STIMATE: variants seen among roughly 807,000 people sequenced by gnomAD.
STIMATE encodes the protein STIM activating enhancer, also known as store-operated calcium entry regulator STIMATE.
A neutral mutation model predicts 36.7 loss-of-function variants in STIMATE; 15 were observed. That is an observed-to-expected ratio of 0.41 (90% CI 0.27 to 0.63). The LOEUF (loss-of-function observed/expected upper bound fraction) is 0.63. Ranked by LOEUF, STIMATE falls within the 20% of genes least tolerant of loss-of-function variation. The pLI, the probability that STIMATE is intolerant of heterozygous loss-of-function variation, is 0.32. For missense variants in STIMATE, 305 were observed against 397.3 expected (o/e 0.77, Z 1.98); for synonymous variants, 163 against 162.3 (o/e 1.00, Z -0.03).
Position 52,897,520 on chromosome 3 carries a change from G to A in STIMATE, c.-70C>T. 6.7e-6 allele frequency: 8 copies of A among 1,186,160 alleles called. No individual in the cohort carries two copies. Among genetic ancestry groups the A allele is most frequent in the Non-Finnish European group, 8.3e-6 (8 of 959,504 alleles). 73.5% of individuals were successfully genotyped at this position (1,186,160 alleles called of 1,614,324 possible). A position where few individuals can be genotyped will look rare whatever the true frequency, so the allele number is the denominator to read the frequency against. On this transcript the variant is annotated 5_prime_UTR_variant, in exon 1 of 8. Coordinates refer to ENST00000355083, the MANE Select transcript of STIMATE (RefSeq NM_198563.5). ...CCTCGCTGCCTGCCGGCGCAGCGCC[G>A]CCAAACCCGCAGCCGGGATCCCAAG...
At chr3:52,851,085 G>A (rs1578805770) in intron 3 of STIMATE, among the ~76,000 whole-genome samples, 1 of 152,366 alleles carries the variant, frequency 6.6e-6, no homozygotes, top group Non-Finnish European at 1.5e-5. Context: ...AACTGGGGGA[G>A]TGAGAGGAGG....
At position 52,837,100 on chromosome 3, in the gene STIMATE, A is replaced by T. The variant is rs1700716658; in HGVS notation, c.*3394T>A. ...AGAGAGCTCTGCACTCTTAGCTGCA[A>T]GCGTGTGAAACTTCTAAAAGCCAGC... On this transcript the variant is annotated 3_prime_UTR_variant, in exon 8 of 8. Transcript: ENST00000355083. 1 of 153,594 alleles carries T rather than the reference A, an allele frequency of 6.5e-6. No homozygotes were observed. Among genetic ancestry groups the T allele is most frequent in the South Asian group, 2.0e-4 (1 of 4,890 alleles). The allele number at this position is 153,594 out of a possible 1,614,324, so 9.5% of individuals were successfully genotyped here. A position where few individuals can be genotyped will look rare whatever the true frequency, so the allele number is the denominator to read the frequency against.
intron 1 of STIMATE, among the ~76,000 whole-genome samples, chr3:52,889,208 C>T (rs957441771): frequency 1.3e-5 from 2 of 152,186 alleles, no homozygotes; most frequent in African/African-American, 4.8e-5. Flanking sequence ...GTAGTAGGTA[C>T]AGAATTTTTA....
At chr3:52,890,030 C>T (rs1701756592) in intron 1 of STIMATE, among the ~76,000 whole-genome samples, 1 of 152,172 alleles carries the variant, frequency 6.6e-6, no homozygotes, top group Non-Finnish European at 1.5e-5. Flanking sequence ...GCTCTTACCA[C>T]CCCCTCCATG....
At chr3:52,885,532 T>C (rs1012440105) in intron 1 of STIMATE, among the ~76,000 whole-genome samples, 1 of 152,226 alleles carries the variant, frequency 6.6e-6, no homozygotes, top group African/African-American at 2.4e-5. Context: ...AACTCAAATG[T>C]CTCTCCGTCC....
intron 1 of STIMATE, among the ~76,000 whole-genome samples, chr3:52,882,515 A>C (rs962742513): frequency 3.3e-5 from 5 of 152,114 alleles, no homozygotes; most frequent in African/African-American, 1.2e-4. Flanking sequence ...GGGGAACTTG[A>C]AGCTGCTGCT....
intron 1 of STIMATE, among the ~76,000 whole-genome samples, chr3:52,875,621 C>T (rs894930631): frequency 1.3e-5 from 2 of 152,214 alleles, no homozygotes; most frequent in Non-Finnish European, 2.9e-5. Context: ...GTTGTTTTCA[C>T]TCTTTGAATC....
chr3:52,845,836 G>A (rs971962923), intron 4 of STIMATE, among the ~76,000 whole-genome samples: 5 of 151,912 alleles, frequency 3.3e-5, no homozygotes, highest in African/African-American at 1.2e-4. Flanking sequence ...GGGGAGAGTG[G>A]GATGTGGGAA....
chr3:52,887,811 A>G (rs373097128), intron 1 of STIMATE, among the ~76,000 whole-genome samples: 62 of 152,106 alleles, frequency 4.1e-4, no homozygotes, highest in Non-Finnish European at 7.6e-4. Context: ...CAACATTCCA[A>G]CCCAGCTCAT....
intron 7 of STIMATE, chr3:52,841,630 C>G (rs1341811965): frequency 1.3e-5 from 2 of 152,548 alleles, no homozygotes; most frequent in African/African-American, 4.8e-5. Context: ...GCACTGTTCC[C>G]TTGCGGGGCT....
At position 52,853,533 on chromosome 3, in the gene STIMATE, G is replaced by T. The variant is rs550416207; in HGVS notation, c.210-835C>A. The stretch of plus-strand genomic sequence containing the variant: ...CCCAGCTGGGCAGGGTCTCAGGACT[G>T]CAGAGATTATCCAGACCAACCCAGC... On this transcript the variant is annotated intron_variant, in intron 2 of 7. Coordinates refer to ENST00000355083, the MANE Select transcript of STIMATE (RefSeq NM_198563.5). 4.6e-3 allele frequency among the ~76,000 whole-genome samples: 695 copies of T among 152,272 alleles called. 3 individuals carry two copies. Among genetic ancestry groups the T allele is most frequent in the Non-Finnish European group, 7.5e-3 (511 of 68,028 alleles).
chr3:52,895,106 C>T (rs916683581), intron 1 of STIMATE, among the ~76,000 whole-genome samples: 4 of 152,234 alleles, frequency 2.6e-5, no homozygotes, highest in East Asian at 1.9e-4. Flanking sequence ...AGCCAAATGG[C>T]TCGCAGATGT....
intron 4 of STIMATE, chr3:52,847,585 C>A (rs1700929129): frequency 7.8e-7 from 1 of 1,280,260 alleles, no homozygotes; most frequent in Non-Finnish European, 1.0e-6. Context: ...GAAAAATAAG[C>A]CCCTCTTCTT....
intron 1 of STIMATE, among the ~76,000 whole-genome samples, chr3:52,858,495 A>G (rs957613655): frequency 6.6e-6 from 1 of 152,086 alleles, no homozygotes; most frequent in African/African-American, 2.4e-5. Context: ...GTCTTGACGC[A>G]TGGCTGTGGT....
At chr3:52,878,130 C>T (rs1701534415) in intron 1 of STIMATE, among the ~76,000 whole-genome samples, 1 of 152,024 alleles carries the variant, frequency 6.6e-6, no homozygotes, top group Admixed American at 6.6e-5. Context: ...AATCACCTCC[C>T]CTATCTTGAG....
chr3:52,840,483 A>T lies in STIMATE; in HGVS notation c.*11T>A. 1 of 1,613,602 alleles carries T rather than the reference A, an allele frequency of 6.2e-7. No individual in the cohort carries two copies. The highest frequency in any genetic ancestry group is 8.5e-7 in the Non-Finnish European group (1 of 1,179,640). Reference sequence around the variant, plus strand: ...GCGGGGCCCTCCCGTCACCCCCAGCATGGGAATGTGTCATACGGGTAGCCC... The same window carrying T: ...GCGGGGCCCTCCCGTCACCCCCAGCTTGGGAATGTGTCATACGGGTAGCCC... On this transcript the variant is annotated 3_prime_UTR_variant, in exon 8 of 8. Transcript: ENST00000355083.
chr3:52,881,239 A>G (rs554508696), intron 1 of STIMATE, among the ~76,000 whole-genome samples: 1 of 152,082 alleles, frequency 6.6e-6, no homozygotes, highest in South Asian at 2.1e-4. Context: ...GGTGACAATC[A>G]GGTAGGCTTG....
chr3:52,869,507 T>A lies in STIMATE; in HGVS notation c.161-14063A>T, dbSNP rs1252814444. Among the ~76,000 whole-genome samples, 3 of 152,350 alleles carry A rather than the reference T, an allele frequency of 2.0e-5. No homozygotes were observed. In the East Asian group the frequency reaches 5.8e-4, roughly 29 times the overall value. On this transcript the variant is annotated intron_variant, in intron 1 of 7. Transcript: ENST00000355083. The stretch of plus-strand genomic sequence containing the variant: ...AGATTGTTCCCACTGCTCTAAGACA[T>A]CTTGCTTAGCTCCCTGCAATTGAAC...
chr3:52,858,302 G>A (rs577910997), intron 1 of STIMATE, among the ~76,000 whole-genome samples: 6 of 152,260 alleles, frequency 3.9e-5, no homozygotes, highest in Admixed American at 3.9e-4. Context: ...AAAAGTTTGA[G>A]GAAAAACATC....
Sources: allele counts gnomAD v4.1 joint callset (sites outside exome capture counted in the v4.1 genomes callset), GRCh38; gene constraint gnomAD v4.1.1; transcripts MANE v1.5; gene names NCBI Gene and HGNC (gene_info 2026-07-23, HGNC 2026-07-21).